Variants in TUT4 observed in about 807,000 individuals in gnomAD.
TUT4 encodes terminal uridylyltransferase 4.
A neutral mutation model predicts 192.2 loss-of-function variants in TUT4; 36 were observed. That is an observed-to-expected ratio of 0.19 (90% CI 0.14 to 0.25). The LOEUF (loss-of-function observed/expected upper bound fraction) is 0.25. Ranked by LOEUF, TUT4 falls within the 10% of genes least tolerant of loss-of-function variation. TUT4 has a pLI of 1.00. For missense variants in TUT4, 1,493 were observed against 1,957.2 expected, an observed-to-expected ratio of 0.76 and a Z score of 4.47; for synonymous variants, 618 against 666.0, an observed-to-expected ratio of 0.93 and a Z score of 1.11.
chr1:52,530,983 A>G (rs1001530324), intron 1 of TUT4, among the ~76,000 whole-genome samples: 49 of 152,316 alleles, frequency 3.2e-4, no homozygotes, highest in Admixed American at 1.3e-3. Flanking sequence ...AGGCTAGGTG[A>G]TAAGAGCCAG....
In TUT4 at chr1:52,462,853, G is replaced by A. The variant is rs529635274; in HGVS notation, c.3070-1084C>T. 1.4e-4 allele frequency: 133 copies of A among 985,100 alleles called. No individual in the cohort carries two copies. The African/African-American group carries it at 2.0e-3, about 15-fold the overall frequency. The allele number at this position is 985,100 out of a possible 1,614,324, so 61.0% of individuals were successfully genotyped here. A position where few individuals can be genotyped will look rare whatever the true frequency, so the allele number is the denominator to read the frequency against. ...ATAATCATAATACATAATGATTATG[G>A]CATTAAAAATTAACTGGAAATAGCT... is the stretch of plus-strand genomic sequence containing the variant. On this transcript the variant is annotated intron_variant, in intron 16 of 29. Coordinates refer to ENST00000257177, the MANE Select transcript of TUT4 (RefSeq NM_001009881.3).
At position 52,446,299 on chromosome 1, in the gene TUT4, C is replaced by T. The variant is rs1657503585; in HGVS notation, c.3657G>A (p.Glu1219=). 4 of 1,613,446 alleles carry T rather than the reference C, an allele frequency of 2.5e-6. No homozygotes were observed. Among genetic ancestry groups the T allele is most frequent in the Non-Finnish European group, 3.4e-6 (4 of 1,179,722 alleles). Residue 1219 remains glutamate, a synonymous_variant, in exon 22 of 30, where the codon GAG becomes GAA. Coordinates refer to ENST00000257177, the MANE Select transcript of TUT4 (RefSeq NM_001009881.3). ...CAATGCACTTGGAAGTCCACTGCTT[C>T]TCAAAAGTTGTCAACAGCTTTTTCT... ...IRQKKLLTTF[E]KQWTSKCIAI... is the part of the protein sequence containing the mutation.
At chr1:52,430,251 C>G (rs1475353286) in intron 28 of TUT4, among the ~76,000 whole-genome samples, 5 of 152,198 alleles carry the variant, frequency 3.3e-5, no homozygotes, top group South Asian at 2.1e-4. Flanking sequence ...TCGTTTAACT[C>G]TTGGACCTAC....
At chr1:52,490,669 T>C in intron 8 of TUT4, 63 bp downstream of exon 8, 1 of 1,412,030 alleles carries the variant, frequency 7.1e-7, no homozygotes, top group South Asian at 1.3e-5. Flanking sequence ...TTAAAGATCA[T>C]TCACTACAAA....
chr1:52,500,304 A>C (rs1673734455), intron 4 of TUT4, among the ~76,000 whole-genome samples: 1 of 152,178 alleles, frequency 6.6e-6, no homozygotes, highest in Non-Finnish European at 1.5e-5. Flanking sequence ...CATATACAAA[A>C]ATTAACTCAA....
chr1:52,459,103 C>T (rs748063877), intron 19 of TUT4, among the ~76,000 whole-genome samples: 4 of 151,986 alleles, frequency 2.6e-5, no homozygotes, highest in East Asian at 1.9e-4. Flanking sequence ...GGGGCTAACA[C>T]GGTGAAACCC....
At chr1:52,424,153 G>A in intron 29 of TUT4, 151 bp from the exon 30 acceptor site, 5 of 690,654 alleles carry the variant, frequency 7.2e-6, no homozygotes, top group Admixed American at 5.7e-5. Context: ...AGGGTGGGGA[G>A]AAAAATGAAG....
chr1:52,493,402 G>A (rs922127674), intron 7 of TUT4, among the ~76,000 whole-genome samples: 5 of 151,418 alleles, frequency 3.3e-5, no homozygotes, highest in African/African-American at 1.2e-4. Flanking sequence ...ATTTTAATAT[G>A]GCATTTTTTT....
At chr1:52,460,868 C>A (rs1662361574) in intron 19 of TUT4, 1 of 252,564 alleles carries the variant, frequency 4.0e-6, no homozygotes, top group East Asian at 7.3e-5. Flanking sequence ...AACTCCCATG[C>A]CTGGGGCTAA....
intron 20 of TUT4, 79 bp downstream of exon 20, chr1:52,458,257 C>T (rs1661525261): frequency 2.0e-6 from 2 of 1,015,032 alleles, no homozygotes; most frequent in African/African-American, 3.2e-5. Flanking sequence ...TTCATGATGA[C>T]ATGAACCAAG....
intron 16 of TUT4, chr1:52,463,100 C>T: frequency 1.0e-6 from 1 of 982,996 alleles, no homozygotes; most frequent in Non-Finnish European, 1.2e-6. Flanking sequence ...TCAATTATGG[C>T]TCATCTGAAA....
At chr1:52,528,406 G>A (rs896045125) in intron 1 of TUT4, among the ~76,000 whole-genome samples, 6 of 150,992 alleles carry the variant, frequency 4.0e-5, no homozygotes, top group African/African-American at 9.8e-5. Context: ...TGGGAGGATC[G>A]CTTGAGACCA....
At chr1:52,502,609 CT>C (rs919559320) in intron 4 of TUT4, among the ~76,000 whole-genome samples, 76 of 82,108 alleles carry the variant, frequency 9.3e-4, no homozygotes, top group African/African-American at 2.7e-3. Flanking sequence ...TCTTAGCCCT[CT>C]TTTTTTTTTT....
At chr1:52,549,102 C>T (rs546178070) in intron 1 of TUT4, among the ~76,000 whole-genome samples, 2 of 152,046 alleles carry the variant, frequency 1.3e-5, no homozygotes, top group South Asian at 4.2e-4. Context: ...AAGAGTGGTA[C>T]GGAAAAGAAG....
intron 7 of TUT4, 63 bp downstream of exon 7, chr1:52,493,548 C>T (rs1213075679): frequency 1.1e-5 from 13 of 1,183,312 alleles, no homozygotes; most frequent in Middle Eastern, 2.3e-4. Context: ...ATATAAACAA[C>T]ACATGTACCT....
intron 1 of TUT4, among the ~76,000 whole-genome samples, chr1:52,547,560 C>T (rs752849358): frequency 6.6e-6 from 1 of 152,120 alleles, no homozygotes; most frequent in Non-Finnish European, 1.5e-5. Context: ...TACATCCACA[C>T]AAAAACGTTT....
chr1:52,544,683 C>T (rs1258446155), intron 1 of TUT4, among the ~76,000 whole-genome samples: 1 of 151,844 alleles, frequency 6.6e-6, no homozygotes, highest in Non-Finnish European at 1.5e-5. Flanking sequence ...AAGGCACGGG[C>T]AACAAAAGAA....
At chr1:52,507,555 T>C (rs980595253) in intron 4 of TUT4, among the ~76,000 whole-genome samples, 3 of 152,198 alleles carry the variant, frequency 2.0e-5, no homozygotes, top group African/African-American at 7.2e-5. Flanking sequence ...TATGGCTGCA[T>C]TCAAGTTTGC....
In TUT4 at chr1:52,475,367, C is replaced by T; in HGVS notation, c.2192G>A (p.Ser731Asn). Residue 731 changes from serine (S) to asparagine (N), a missense_variant, in exon 13 of 30, where the codon AGC becomes AAC. Transcript: ENST00000257177. ...DFKKREKGKISNKKPVKSNNM... is the reference protein window; with the variant it reads ...DFKKREKGKINNKKPVKSNNM... ...GTTCGACTTGACTGGTTTCTTATTGCTTATTTTCCCCTTCTCTCTTTTCTT... is the reference window on the plus strand; with the variant it reads ...GTTCGACTTGACTGGTTTCTTATTGTTTATTTTCCCCTTCTCTCTTTTCTT... 2 of 1,614,118 alleles carry T rather than the reference C, an allele frequency of 1.2e-6. No individual in the cohort carries two copies. The highest frequency in any genetic ancestry group is 1.3e-5 in the African/African-American group (1 of 75,040).
Sources: allele counts gnomAD v4.1 joint callset (sites outside exome capture counted in the v4.1 genomes callset), GRCh38; gene constraint gnomAD v4.1.1; transcripts MANE v1.5; gene names NCBI Gene and HGNC (gene_info 2026-07-23, HGNC 2026-07-21).